Variants in GABRR3 observed in about 807,000 individuals in gnomAD.
The protein encoded by GABRR3 is gamma-aminobutyric acid receptor subunit rho-3.
GABRR3 carries 29 observed loss-of-function variants against 43.2 expected under a neutral mutation model. That is an observed-to-expected ratio of 0.67 (90% CI 0.50 to 0.92). The LOEUF is 0.92. GABRR3 is among the 40% of genes least tolerant of loss of function. The pLI is 0.00. For synonymous variants in GABRR3, 206 were observed against 195.9 expected (o/e 1.05, Z -0.43); for missense variants, 576 against 572.3 (o/e 1.01, Z -0.07).
chr3:98,019,785 A>G (rs1395059608), intron 3 of GABRR3, among the ~76,000 whole-genome samples: 1 of 152,008 alleles, frequency 6.6e-6, no homozygotes, highest in Non-Finnish European at 1.5e-5. Context: ...GCTGGTCTCA[A>G]ACTCCTGACC....
chr3:98,017,840 A>G (rs1455029372), intron 3 of GABRR3, 118 bp from the exon 4 acceptor site: 1 of 662,258 alleles, frequency 1.5e-6, no homozygotes, highest in African/African-American at 1.8e-5. Context: ...AAGTTTTTTT[A>G]AACAACAAAT....
At chr3:97,995,751 C>T (rs190955088) in intron 8 of GABRR3, among the ~76,000 whole-genome samples, 7 of 152,160 alleles carry the variant, frequency 4.6e-5, no homozygotes, top group East Asian at 3.9e-4. Flanking sequence ...TTATATCTTG[C>T]GCCACCCCTC....
intron 2 of GABRR3, among the ~76,000 whole-genome samples, chr3:98,029,076 G>T (rs188342052): frequency 5.3e-5 from 8 of 152,076 alleles, no homozygotes; most frequent in Admixed American, 5.2e-4. Context: ...GAAGCTTTTG[G>T]ATTTCTTCTG....
intron 7 of GABRR3, among the ~76,000 whole-genome samples, chr3:98,005,242 C>T (rs1011598132): frequency 6.7e-6 from 1 of 149,806 alleles, no homozygotes; most frequent in Non-Finnish European, 1.5e-5. Context: ...CACACACACA[C>T]GATATGCACA....
At chr3:98,029,708 A>G (rs1707061882) in intron 2 of GABRR3, among the ~76,000 whole-genome samples, 1 of 152,194 alleles carries the variant, frequency 6.6e-6, no homozygotes, top group Non-Finnish European at 1.5e-5. Flanking sequence ...AGCAAATTTA[A>G]AAGTATTTAA....
At chr3:97,989,930 G>A (rs1706439968) in intron 9 of GABRR3, among the ~76,000 whole-genome samples, 1 of 151,958 alleles carries the variant, frequency 6.6e-6, no homozygotes, top group Non-Finnish European at 1.5e-5. Context: ...CATATATCTG[G>A]CTCCCACAAC....
At chr3:98,003,240 T>G (rs1034359244) in intron 7 of GABRR3, among the ~76,000 whole-genome samples, 3 of 152,152 alleles carry the variant, frequency 2.0e-5, no homozygotes, top group African/African-American at 7.2e-5. Context: ...AACAGCTTTC[T>G]GACCTTACAA....
chr3:98,017,273 C>T (rs1343506239), intron 4 of GABRR3, among the ~76,000 whole-genome samples: 2 of 152,168 alleles, frequency 1.3e-5, no homozygotes, highest in Non-Finnish European at 2.9e-5. Context: ...TCCATCAATG[C>T]TGGTTCAACT....
intron 7 of GABRR3, among the ~76,000 whole-genome samples, chr3:98,003,456 A>G (rs2131121): frequency 0.047 from 6,910 of 147,180 alleles, 532 homozygotes; most frequent in African/African-American, 0.16. Flanking sequence ...AGGGTGGAGT[A>G]ACCAGGAAGT....
intron 9 of GABRR3, among the ~76,000 whole-genome samples, chr3:97,989,797 C>A (rs1706438722): frequency 6.6e-6 from 1 of 152,026 alleles, no homozygotes; most frequent in Non-Finnish European, 1.5e-5. Flanking sequence ...CTTGTTTTGC[C>A]AGTGACCAAG....
intron 8 of GABRR3, chr3:98,000,961 T>A (rs1706631542): frequency 6.6e-6 from 1 of 152,248 alleles, no homozygotes; most frequent in Non-Finnish European, 1.5e-5. Flanking sequence ...CAGAGGCATA[T>A]AGCATGTTAG....
intron 8 of GABRR3, among the ~76,000 whole-genome samples, chr3:97,994,249 C>G (rs987877886): frequency 1.3e-5 from 2 of 152,212 alleles, no homozygotes; most frequent in African/African-American, 4.8e-5. Context: ...TGTAATAATT[C>G]TGTTAGGCTC....
intron 7 of GABRR3, among the ~76,000 whole-genome samples, chr3:98,004,871 T>A (rs1706704144): frequency 6.6e-6 from 1 of 151,928 alleles, no homozygotes; most frequent in Non-Finnish European, 1.5e-5. Context: ...AGCTAAAATA[T>A]TTAAACAGGA....
Position 98,009,042 on chromosome 3 carries a change from T to C in GABRR3, c.531-4A>G, listed in dbSNP as rs767953047. On this transcript the variant is annotated splice_region_variant and splice_polypyrimidine_tract_variant and intron_variant, in intron 5 of 9. Coordinates refer to ENST00000621172, the Ensembl canonical transcript of GABRR3. ...GCACATGGCCGAAACCGTTATCCTATAAAAAGAATGAGAAAAAGAAAACTG... is the reference window on the plus strand; with the variant it reads ...GCACATGGCCGAAACCGTTATCCTACAAAAAGAATGAGAAAAAGAAAACTG... 10 of 1,592,822 alleles carry C rather than the reference T, an allele frequency of 6.3e-6. No individual in the cohort carries two copies. The highest frequency in any genetic ancestry group is 1.1e-5 in the South Asian group (1 of 87,560).
intron 9 of GABRR3, among the ~76,000 whole-genome samples, chr3:97,988,640 G>A (rs1706417842): frequency 6.6e-6 from 1 of 150,698 alleles, no homozygotes; most frequent in East Asian, 2.0e-4. Flanking sequence ...TGGTGGTGGT[G>A]GGTGATAGAT....
chr3:97,987,664 A>G (rs1338630773), intron 9 of GABRR3, among the ~76,000 whole-genome samples: 1 of 152,246 alleles, frequency 6.6e-6, no homozygotes, highest in Non-Finnish European at 1.5e-5. Flanking sequence ...CTAATATTTT[A>G]CTGAATTCAA....
At chr3:98,023,233 T>C (rs773493453) in intron 3 of GABRR3, among the ~76,000 whole-genome samples, 38 of 152,190 alleles carry the variant, frequency 2.5e-4, no homozygotes, top group Admixed American at 5.2e-4. Context: ...TTTCTCTCAA[T>C]CTTTCTTCCT....
At chr3:98,003,572 G>A (rs1373191103) in intron 7 of GABRR3, among the ~76,000 whole-genome samples, 1 of 151,866 alleles carries the variant, frequency 6.6e-6, no homozygotes, top group Non-Finnish European at 1.5e-5. Flanking sequence ...GTGCTGCCTT[G>A]GAACGTTGTG....
At chr3:97,991,770 A>G (rs1706470740) in intron 9 of GABRR3, among the ~76,000 whole-genome samples, 1 of 152,204 alleles carries the variant, frequency 6.6e-6, no homozygotes, top group East Asian at 1.9e-4. Context: ...AGGATATAAA[A>G]ACATCCTGAA....
Sources: allele counts gnomAD v4.1 joint callset (sites outside exome capture counted in the v4.1 genomes callset), GRCh38; gene constraint gnomAD v4.1.1; transcripts MANE v1.5; gene names NCBI Gene and HGNC (gene_info 2026-07-23, HGNC 2026-07-21).